Variants in RBFOX1 observed in about 807,000 individuals in gnomAD.
The protein encoded by RBFOX1 is RNA binding fox-1 homolog 1, also known as RNA binding protein fox-1 homolog 1.
A neutral mutation model predicts 57.7 loss-of-function variants in RBFOX1; 8 were observed. That is an observed-to-expected ratio of 0.14 (90% CI 0.08 to 0.25). The LOEUF (loss-of-function observed/expected upper bound fraction) is 0.25, where lower values mean the gene tolerates loss of function less well. Among genes scored for constraint, RBFOX1 ranks in the 10% least tolerant of loss-of-function variants. The pLI is 1.00. For synonymous variants in RBFOX1, 326 were observed against 222.4 expected, an observed-to-expected ratio of 1.47 and a Z score of -4.15; for missense variants, 611 against 548.5, an observed-to-expected ratio of 1.11 and a Z score of -1.14.
intron 1 of RBFOX1, among the ~76,000 whole-genome samples, chr16:5,462,894 A>G (rs534289952): frequency 6.6e-6 from 1 of 152,164 alleles, no homozygotes; most frequent in African/African-American, 2.4e-5. Context: ...ACAAAGAATA[A>G]TCTGGCCTGA....
intron 1 of RBFOX1, among the ~76,000 whole-genome samples, chr16:6,268,762 A>G (rs1049556484): frequency 6.6e-6 from 1 of 152,184 alleles, no homozygotes; most frequent in African/African-American, 2.4e-5. Flanking sequence ...GCAAGTAAAT[A>G]ATTAAAAATA....
At chr16:6,093,209 G>A (rs963169303) in intron 1 of RBFOX1, among the ~76,000 whole-genome samples, 10 of 152,122 alleles carry the variant, frequency 6.6e-5, no homozygotes, top group African/African-American at 2.4e-4. Flanking sequence ...AGTCCTCATG[G>A]TTTAGGATTT....
At chr16:5,896,839 A>G (rs892373182) in intron 4 of RBFOX1, among the ~76,000 whole-genome samples, 4 of 152,076 alleles carry the variant, frequency 2.6e-5, no homozygotes, top group South Asian at 2.1e-4. Flanking sequence ...TGAAGCATCA[A>G]CAGCATCACT....
intron 1 of RBFOX1, among the ~76,000 whole-genome samples, chr16:6,080,139 T>C (rs905043634): frequency 2.0e-5 from 3 of 152,202 alleles, no homozygotes; most frequent in African/African-American, 7.2e-5. Context: ...TGGTGTGTAC[T>C]TGATGGGGAG....
intron 14 of RBFOX1, among the ~76,000 whole-genome samples, chr16:7,705,773 T>G (rs2082238794): frequency 6.6e-6 from 1 of 152,202 alleles, no homozygotes; most frequent in African/African-American, 2.4e-5. Flanking sequence ...ACAAGATTTA[T>G]GGCTGTTGAG....
chr16:5,265,271 G>A (rs2062830310), intron 1 of RBFOX1, among the ~76,000 whole-genome samples: 1 of 152,100 alleles, frequency 6.6e-6, no homozygotes, highest in Non-Finnish European at 1.5e-5. Flanking sequence ...CACATTCCAT[G>A]GACTCTTGAA....
chr16:7,115,874 G>A (rs919799132), intron 4 of RBFOX1, among the ~76,000 whole-genome samples: 3 of 152,186 alleles, frequency 2.0e-5, no homozygotes, highest in Non-Finnish European at 4.4e-5. Context: ...CCTACGCTGG[G>A]GAGCACTGAG....
chr16:5,851,144 T>C (rs1239569230), intron 3 of RBFOX1, among the ~76,000 whole-genome samples: 1 of 152,190 alleles, frequency 6.6e-6, no homozygotes, highest in African/African-American at 2.4e-5. Context: ...CCCAAAATTC[T>C]GGGTTGTGAA....
chr16:6,898,393 C>T (rs1305684998), intron 3 of RBFOX1, among the ~76,000 whole-genome samples: 1 of 152,144 alleles, frequency 6.6e-6, no homozygotes, highest in Non-Finnish European at 1.5e-5. Flanking sequence ...ATTGAGTGCA[C>T]CCCAGCCCCT....
chr16:7,487,870 C>T (rs2065837600), intron 4 of RBFOX1, among the ~76,000 whole-genome samples: 1 of 152,158 alleles, frequency 6.6e-6, no homozygotes, highest in Non-Finnish European at 1.5e-5. Flanking sequence ...GGCCTTTTAA[C>T]AGTCAATCTC....
At chr16:7,028,958 A>G (rs2041834248) in intron 3 of RBFOX1, among the ~76,000 whole-genome samples, 1 of 149,598 alleles carries the variant, frequency 6.7e-6, no homozygotes, top group Admixed American at 6.7e-5. Flanking sequence ...TGACCATAGC[A>G]GCAAGCATGC....
chr16:5,763,792 T>G (rs955931998), intron 3 of RBFOX1, among the ~76,000 whole-genome samples: 2 of 152,214 alleles, frequency 1.3e-5, no homozygotes, highest in Non-Finnish European at 2.9e-5. Flanking sequence ...CCTTTCTCAT[T>G]GAAGCCTTTG....
At chr16:6,119,553 T>C (rs891894057) in intron 1 of RBFOX1, among the ~76,000 whole-genome samples, 9 of 152,248 alleles carry the variant, frequency 5.9e-5, no homozygotes, top group African/African-American at 2.2e-4. Context: ...CCTGTACATG[T>C]ATTCATTGGA....
At chr16:6,502,109 A>T (rs531757734) in intron 2 of RBFOX1, among the ~76,000 whole-genome samples, 11 of 152,310 alleles carry the variant, frequency 7.2e-5, no homozygotes, top group African/African-American at 2.6e-4. Flanking sequence ...ATATTACCCA[A>T]CTGGAACCAA....
At chr16:6,514,745 T>A (rs1203642855) in intron 2 of RBFOX1, among the ~76,000 whole-genome samples, 1 of 152,070 alleles carries the variant, frequency 6.6e-6, no homozygotes, top group East Asian at 1.9e-4. Context: ...TGGTAATTAT[T>A]CTTATTGTAA....
intron 4 of RBFOX1, among the ~76,000 whole-genome samples, chr16:7,121,960 T>C (rs2067287721): frequency 2.0e-5 from 3 of 152,010 alleles, no homozygotes; most frequent in African/African-American, 7.2e-5. Flanking sequence ...TTGGAATAAT[T>C]GCAAACACAT....
chr16:5,544,948 A>ATTTTT (rs1229178204), intron 2 of RBFOX1, among the ~76,000 whole-genome samples: 1 of 112,712 alleles, frequency 8.9e-6, no homozygotes, highest in Non-Finnish European at 1.9e-5. Flanking sequence ...TTACTATTAC[A>ATTTTT]TTCTTTTTTT....
At chr16:5,779,950 C>G (rs550130160) in intron 3 of RBFOX1, among the ~76,000 whole-genome samples, 22 of 152,292 alleles carry the variant, frequency 1.4e-4, no homozygotes, top group African/African-American at 4.8e-4. Flanking sequence ...AATAAATGAG[C>G]TAAAATATGT....
intron 2 of RBFOX1, among the ~76,000 whole-genome samples, chr16:6,576,067 G>T (rs1034755051): frequency 6.6e-6 from 1 of 152,066 alleles, no homozygotes; most frequent in African/African-American, 2.4e-5. Flanking sequence ...AGCATGGCAG[G>T]CTCACTGGGC....
Sources: allele counts gnomAD v4.1 joint callset (sites outside exome capture counted in the v4.1 genomes callset), GRCh38; gene constraint gnomAD v4.1.1; transcripts MANE v1.5; gene names NCBI Gene and HGNC (gene_info 2026-07-23, HGNC 2026-07-21).